Variants in TGM5 observed in about 807,000 individuals in gnomAD.
TGM5 encodes the protein transglutaminase 5.
In TGM5, 69 loss-of-function variants were observed where a neutral mutation model predicts 77.2. The ratio of observed to expected loss-of-function variants is 0.89; its 90% CI spans 0.74 to 1.09. TGM5 has a LOEUF of 1.09. Ranked by LOEUF, TGM5 falls within the 50% of genes least tolerant of loss-of-function variation. The pLI, the probability that TGM5 is intolerant of heterozygous loss-of-function variation, is 0.00. For missense variants in TGM5, 842 were observed against 896.5 expected, an observed-to-expected ratio of 0.94 and a Z score of 0.78; for synonymous variants, 346 against 351.8, an observed-to-expected ratio of 0.98 and a Z score of 0.18.
In TGM5 at chr15:43,253,555, C is replaced by T. The variant is rs939667921; in HGVS notation, c.635G>A (p.Cys212Tyr). The change falls in exon 5 of 13, where the codon TGT (cysteine) becomes TAT (tyrosine). Residue 212 changes from cysteine (C) to tyrosine (Y), a missense_variant. Physicochemically the swap from Cys to Tyr is radical, Grantham distance 194. Coordinates refer to ENST00000220420, the MANE Select transcript of TGM5 (RefSeq NM_201631.4). ...GTAGACGGGGCTTCCCCGCAGAGCA[C>T]AGTCTGTGGCTGGGTCAGTCTGGAA... ...LHFQTDPATD[C>Y]ALRGSPVYVS... is the part of the protein sequence containing the mutation. 14 of 1,613,838 alleles carry T rather than the reference C, an allele frequency of 8.7e-6. No homozygotes were observed. The East Asian group carries it at 2.9e-4, about 33-fold the overall frequency.
chr15:43,253,006 T>C, intron 5 of TGM5, 70 bp from the exon 6 acceptor site: 1 of 1,538,972 alleles, frequency 6.5e-7, no homozygotes, highest in South Asian at 1.1e-5. Context: ...TGGGCTGCCT[T>C]GGAAGACCCA....
At chr15:43,257,480 G>T (rs555296677) in intron 3 of TGM5, among the ~76,000 whole-genome samples, 2 of 152,174 alleles carry the variant, frequency 1.3e-5, no homozygotes, top group Non-Finnish European at 2.9e-5. Context: ...TTAACATTAG[G>T]TTGGTGCAAA....
intron 4 of TGM5, among the ~76,000 whole-genome samples, chr15:43,255,367 AAGAC>A (rs1350925840): frequency 6.6e-6 from 1 of 152,044 alleles, no homozygotes; most frequent in Non-Finnish European, 1.5e-5. Context: ...CAACAAAAGA[AAGAC>A]AGAAACAGAG....
intron 3 of TGM5, among the ~76,000 whole-genome samples, chr15:43,258,205 A>G (rs538542341): frequency 6.7e-4 from 102 of 152,114 alleles, no homozygotes; most frequent in Admixed American, 6.6e-3. Flanking sequence ...TTGTGCACAC[A>G]TACCATAGAA....
At chr15:43,264,702 C>G (rs2042813227) in intron 1 of TGM5, among the ~76,000 whole-genome samples, 1 of 152,056 alleles carries the variant, frequency 6.6e-6, no homozygotes, top group Admixed American at 6.5e-5. Context: ...GCGATACTCG[C>G]AAAATTTTGT....
chr15:43,261,117 T>G, intron 1 of TGM5, among the ~76,000 whole-genome samples: 1 of 124,730 alleles, frequency 8.0e-6, no homozygotes, highest in Middle Eastern at 4.4e-3. Flanking sequence ...TGAGACAGAG[T>G]CTCACACTGT....
At position 43,260,486 on chromosome 15, in the gene TGM5, C is replaced by G. The variant is rs749224503; in HGVS notation, c.104G>C (p.Arg35Pro). 3.1e-6 allele frequency: 5 copies of G among 1,614,150 alleles called. No homozygotes were observed. The highest frequency in any genetic ancestry group is 1.7e-5 in the Admixed American group (1 of 60,016). ...CAGGGTGAGGTTGAAGGCCTGGCCC[C>G]GGCGAACAAGCAGGTGGTCCACAGT... ...EITVDHLLVR[R>P]GQAFNLTLYF... Residue 35 changes from arginine (R) to proline (P), a missense_variant, in exon 2 of 13, where the codon CGG (arginine) becomes CCG (proline). Transcript: ENST00000220420.
chr15:43,256,724 C>T (rs760951370), intron 3 of TGM5, 38 bp from the exon 4 acceptor site: 12 of 1,448,920 alleles, frequency 8.3e-6, no homozygotes, highest in Non-Finnish European at 1.1e-5. Context: ...GCAGAAAAGT[C>T]ACCTTTCCCT....
At chr15:43,265,599 T>A (rs1242155076) in intron 1 of TGM5, among the ~76,000 whole-genome samples, 1 of 152,208 alleles carries the variant, frequency 6.6e-6, no homozygotes. Context: ...CTACTGGGCA[T>A]ATTTGTTTTC....
intron 6 of TGM5, among the ~76,000 whole-genome samples, chr15:43,243,344 C>G (rs983129786): frequency 6.6e-6 from 1 of 152,184 alleles, no homozygotes; most frequent in African/African-American, 2.4e-5. Context: ...TTCAACTCAC[C>G]ACTATCCTGA....
At chr15:43,235,387 C>T (rs2042580689) in intron 10 of TGM5, 82 bp downstream of exon 10, 2 of 1,580,348 alleles carry the variant, frequency 1.3e-6, no homozygotes, top group South Asian at 1.1e-5. Flanking sequence ...CAGGGGTCTG[C>T]CCCCAGAACC....
intron 5 of TGM5, 83 bp downstream of exon 5, chr15:43,253,423 C>G (rs2042719945): frequency 6.3e-7 from 1 of 1,582,808 alleles, no homozygotes; most frequent in Non-Finnish European, 8.6e-7. Flanking sequence ...GTCCCTCTTT[C>G]ACCCACTGCA....
intron 6 of TGM5, among the ~76,000 whole-genome samples, chr15:43,242,250 A>C (rs1178553798): frequency 6.6e-6 from 1 of 152,274 alleles, no homozygotes; most frequent in African/African-American, 2.4e-5. Flanking sequence ...CTTGCAATCA[A>C]TACTGAGTCC....
chr15:43,235,468 C>T lies in TGM5; in HGVS notation c.1714+1G>A. The T allele has an allele frequency of 6.2e-7, 1 of 1,614,100 alleles. No individual in the cohort carries two copies. The highest frequency in any genetic ancestry group is 8.5e-7 in the Non-Finnish European group (1 of 1,180,028). ...CGTACACAAACTGTGCACATGCGTA[C>T]CTTCTTTAGGAGAGAGTGTGATGAA... On this transcript the variant is annotated splice_donor_variant, in intron 10 of 12. Transcript: ENST00000220420. LOFTEE classifies it high-confidence loss of function.
intron 6 of TGM5, among the ~76,000 whole-genome samples, chr15:43,242,633 C>G (rs1314869423): frequency 6.6e-6 from 1 of 152,226 alleles, no homozygotes; most frequent in Non-Finnish European, 1.5e-5. Context: ...GACACAGAGC[C>G]TCTCCAGGCC....
At chr15:43,239,381 G>A (rs1428781725) in intron 7 of TGM5, 115 bp from the exon 8 acceptor site, 6 of 1,061,560 alleles carry the variant, frequency 5.7e-6, no homozygotes, top group South Asian at 5.2e-5. Context: ...CACACACAGG[G>A]CTTAAAACCT....
rs148827379 is a variant in TGM5 at position 43,233,168 on chromosome 15, C to G, written c.*23G>C. On this transcript the variant is annotated 3_prime_UTR_variant, in exon 13 of 13. Transcript: ENST00000220420. ...CTTTTCCTGAAGCTTGAAATTCACACGTCTGGCGCGTTGTTCCAGAATTTA... is the reference window on the plus strand; with the variant it reads ...CTTTTCCTGAAGCTTGAAATTCACAGGTCTGGCGCGTTGTTCCAGAATTTA... 2.5e-6 allele frequency: 4 copies of G among 1,613,728 alleles called. No individual in the cohort carries two copies. In the Admixed American group the frequency reaches 6.7e-5, roughly 27 times the overall value.
At chr15:43,253,468 AC>A in intron 5 of TGM5, 37 bp downstream of exon 5, 4 of 1,606,230 alleles carry the variant, frequency 2.5e-6, no homozygotes, top group Non-Finnish European at 3.4e-6. Flanking sequence ...CTCCCGCTGC[AC>A]AGCTTCCTCC....
rs570939579 is a variant in TGM5, at chr15:43,248,121, A to G, written c.862+4638T>C. 2.0e-5 allele frequency among the ~76,000 whole-genome samples: 3 copies of G among 152,304 alleles called. No homozygotes were observed. The South Asian group carries it at 6.2e-4, about 32-fold the overall frequency. On this transcript the variant is annotated intron_variant, in intron 6 of 12. Transcript: ENST00000220420. Reference sequence around the variant, plus strand: ...CCAAGAAAGAAAGGAAATAAAAGGGAAAAAAAGTGGGAGAGAGGGGAACTG... The same window carrying G: ...CCAAGAAAGAAAGGAAATAAAAGGGGAAAAAAGTGGGAGAGAGGGGAACTG...
Sources: allele counts gnomAD v4.1 joint callset (sites outside exome capture counted in the v4.1 genomes callset), GRCh38; gene constraint gnomAD v4.1.1; transcripts MANE v1.5; gene names NCBI Gene and HGNC (gene_info 2026-07-23, HGNC 2026-07-21).